The following RPH3AL variants were observed in gnomAD, a reference collection of about 807,000 sequenced individuals.
The protein encoded by RPH3AL is rabphilin 3A like (without C2 domains).
Under a neutral mutation model 43.1 loss-of-function variants are expected in RPH3AL, and 38 were observed. The ratio of observed to expected loss-of-function variants is 0.88; its 90% confidence interval spans 0.68 to 1.15. The LOEUF (loss-of-function observed/expected upper bound fraction) is 1.15, where lower values mean the gene tolerates loss of function less well. Among genes scored for constraint, RPH3AL ranks in the 50% most tolerant of loss-of-function variants. The pLI is 0.00. For missense variants in RPH3AL, 462 were observed against 423.2 expected (o/e 1.09, Z -0.81); for synonymous variants, 189 against 176.3 (o/e 1.07, Z -0.57).
chr17:241,812 T>A (rs1172745145), intron 7 of RPH3AL, among the ~76,000 whole-genome samples: 1 of 151,128 alleles, frequency 6.6e-6, no homozygotes, highest in East Asian at 1.9e-4. Context: ...TATTCTTATG[T>A]AATTAAAAAT....
intron 6 of RPH3AL, among the ~76,000 whole-genome samples, chr17:281,407 G>A (rs900419102): frequency 1.9e-4 from 29 of 152,098 alleles, no homozygotes; most frequent in African/African-American, 4.8e-4. Context: ...CACAGTCAGC[G>A]TTCACCCTGG....
chr17:272,308 A>G (rs1001587600), intron 6 of RPH3AL, among the ~76,000 whole-genome samples: 2 of 152,066 alleles, frequency 1.3e-5, no homozygotes, highest in African/African-American at 2.4e-5. Flanking sequence ...ATGCACACGT[A>G]TGTTTATTGC....
chr17:285,936 C>G (rs186066170), intron 5 of RPH3AL, among the ~76,000 whole-genome samples: 9 of 152,348 alleles, frequency 5.9e-5, no homozygotes, highest in Admixed American at 5.9e-4. Flanking sequence ...GCTGAGCACC[C>G]GTGAGGGGCA....
intron 1 of RPH3AL, among the ~76,000 whole-genome samples, chr17:335,091 T>C (rs1365484022): frequency 6.6e-6 from 1 of 152,108 alleles, no homozygotes; most frequent in Non-Finnish European, 1.5e-5. Context: ...ACGGTGAGCG[T>C]GGGCAGCATA....
intron 5 of RPH3AL, among the ~76,000 whole-genome samples, chr17:304,564 G>C (rs925413604): frequency 6.6e-6 from 1 of 152,162 alleles, no homozygotes; most frequent in Non-Finnish European, 1.5e-5. Flanking sequence ...GGGGAAGGAA[G>C]TCAGGCCCCT....
At chr17:325,720 T>C (rs151161779) in intron 3 of RPH3AL, among the ~76,000 whole-genome samples, 185 of 152,346 alleles carry the variant, frequency 1.2e-3, no homozygotes, top group African/African-American at 4.1e-3. Context: ...GACCAGGGAC[T>C]GTGTTGGTCC....
At chr17:242,968 C>CCTTCCTCTATTGAA (rs2041606117) in intron 7 of RPH3AL, among the ~76,000 whole-genome samples, 1 of 113,670 alleles carries the variant, frequency 8.8e-6, no homozygotes, top group East Asian at 2.5e-4. Flanking sequence ...CCTCTATTGA[C>CCTTCCTCTATTGAA]TACCTTCCTC....
At chr17:332,923 A>G in intron 2 of RPH3AL, 1 of 957,862 alleles carries the variant, frequency 1.0e-6, no homozygotes, top group Non-Finnish European at 1.4e-6. Flanking sequence ...AGGGACTAGG[A>G]GGACCCGAGG....
rs1555539561 is a variant in RPH3AL, at chr17:245,461, TTGTG to T, written c.613+1646_613+1649del. 7.4e-6 allele frequency among the ~76,000 whole-genome samples: 1 copy of T among 134,962 alleles called. No homozygotes were observed. Among genetic ancestry groups the T allele is most frequent in the Non-Finnish European group, 1.6e-5 (1 of 61,932 alleles). The allele number at this position is 134,962 out of a possible 152,430, so 88.5% of individuals were successfully genotyped here. A position where few individuals can be genotyped will look rare whatever the true frequency, so the allele number is the denominator to read the frequency against. On this transcript the variant is annotated intron_variant, in intron 7 of 9. Coordinates refer to ENST00000331302, the MANE Select transcript of RPH3AL (RefSeq NM_006987.4). This position sits in a 1 kb window ranked among gnomAD's most constrained non-coding sequence, Gnocchi z 5.9. The stretch of plus-strand genomic sequence containing the variant: ...TGAGCGTGTGTCAATGCGGTTGTGT[TTGTG>T]TGCGTGGATGTGAGTGTGTGTGTAT...
intron 6 of RPH3AL, among the ~76,000 whole-genome samples, chr17:266,564 G>A (rs1555548082): frequency 1.3e-5 from 2 of 152,130 alleles, no homozygotes; most frequent in Non-Finnish European, 2.9e-5. Flanking sequence ...ATCCCCCCTG[G>A]GGCAGCAAAG....
intron 6 of RPH3AL, among the ~76,000 whole-genome samples, chr17:262,145 C>T (rs2042209022): frequency 6.6e-6 from 1 of 152,094 alleles, no homozygotes; most frequent in South Asian, 2.1e-4. Flanking sequence ...GGAACATTCT[C>T]CTTGGGGTGG....
chr17:240,571 T>C (rs1490024583), intron 7 of RPH3AL, among the ~76,000 whole-genome samples: 2 of 152,166 alleles, frequency 1.3e-5, no homozygotes, highest in African/African-American at 4.8e-5. Flanking sequence ...GTCTCCGGCT[T>C]CTTCCACTTC....
chr17:250,096 A>ATCACTGCGGGACCTCTCG (rs2041857231), intron 6 of RPH3AL, among the ~76,000 whole-genome samples: 4 of 133,868 alleles, frequency 3.0e-5, no homozygotes, highest in African/African-American at 1.2e-4. Context: ...GGGACCTCTC[A>ATCACTGCGGGACCTCTCG]GAGCCTTTAC....
intron 6 of RPH3AL, among the ~76,000 whole-genome samples, chr17:275,241 AC>A (rs57667753): frequency 0.56 from 79,287 of 140,818 alleles, 22,175 homozygotes; most frequent in Non-Finnish European, 0.62. Flanking sequence ...AGCAAAAAAA[AC>A]AAAAAACAAA....
Position 274,976 on chromosome 17 carries a change from C to T in RPH3AL, c.438+6792G>A, listed in dbSNP as rs1321493188. The stretch of plus-strand genomic sequence containing the variant: ...ACCAGAGTGGAGAACAGAATCGAAA[C>T]TTACACCGGAGGGGAAAGAGCAGAC... On this transcript the variant is annotated intron_variant, in intron 6 of 9. Transcript: ENST00000331302. The surrounding 1 kb of genome is among the most constrained non-coding windows in gnomAD (Gnocchi z 4.7). Among the ~76,000 whole-genome samples, 3 of 152,284 alleles carry T rather than the reference C, an allele frequency of 2.0e-5. No homozygotes were observed. Among genetic ancestry groups the T allele is most frequent in the Admixed American group, 1.3e-4 (2 of 15,306 alleles).
intron 9 of RPH3AL, among the ~76,000 whole-genome samples, chr17:214,313 G>A (rs1439511110): frequency 6.6e-6 from 1 of 152,160 alleles, no homozygotes. Context: ...GACATTTACT[G>A]AGGACCTCCT....
intron 5 of RPH3AL, among the ~76,000 whole-genome samples, chr17:314,664 G>C (rs2043829723): frequency 2.1e-5 from 3 of 144,878 alleles, no homozygotes; most frequent in East Asian, 4.1e-4. Context: ...CACCTCCATT[G>C]ACCTGTAGTC....
intron 6 of RPH3AL, among the ~76,000 whole-genome samples, chr17:265,818 G>T (rs544240022): frequency 6.6e-6 from 1 of 151,874 alleles, no homozygotes; most frequent in Non-Finnish European, 1.5e-5. Flanking sequence ...ACGGGAGGCC[G>T]GTGGCACAGA....
intron 6 of RPH3AL, among the ~76,000 whole-genome samples, chr17:265,144 TG>T (rs1555547563): frequency 1.3e-5 from 2 of 152,196 alleles, no homozygotes; most frequent in African/African-American, 4.8e-5. Flanking sequence ...TGGAATGTAG[TG>T]GTGCGGTCTC....
Sources: gnomAD v4.1 joint callset for allele counts (sites outside exome capture counted in the v4.1 genomes callset) on GRCh38, gnomAD v4.1.1 for gene constraint, Gnocchi (gnomAD v3.1) non-coding constraint, MANE v1.5 for transcripts, NCBI Gene and HGNC (gene_info 2026-07-23, HGNC 2026-07-21) for gene names.